The following DEPTOR variants were observed in gnomAD, a reference collection of about 807,000 sequenced individuals.
DEPTOR encodes DEP domain-containing mTOR-interacting protein.
Under a neutral mutation model 41.6 loss-of-function variants are expected in DEPTOR, and 41 were observed. That is an observed-to-expected ratio of 0.98 (90% CI 0.77 to 1.28). The LOEUF (loss-of-function observed/expected upper bound fraction) is 1.28, where lower values mean the gene tolerates loss of function less well. Among genes scored for constraint, DEPTOR ranks in the 50% most tolerant of loss-of-function variants. DEPTOR has a pLI of 0.00. For missense variants in DEPTOR, 514 were observed against 527.9 expected, an observed-to-expected ratio of 0.97 and a Z score of 0.26; for synonymous variants, 195 against 192.3, an observed-to-expected ratio of 1.01 and a Z score of -0.12.
intron 1 of DEPTOR, among the ~76,000 whole-genome samples, chr8:119,921,447 G>A (rs1430014850): frequency 6.6e-6 from 1 of 152,106 alleles, no homozygotes; most frequent in Non-Finnish European, 1.5e-5. Flanking sequence ...TTAGAAGTCT[G>A]TGTTTCTGAC....
intron 4 of DEPTOR, among the ~76,000 whole-genome samples, chr8:119,967,321 C>A (rs546857566): frequency 6.6e-6 from 1 of 150,958 alleles, no homozygotes; most frequent in Admixed American, 6.6e-5. Context: ...CTCAGGTGAT[C>A]CATCTGCCTC....
chr8:119,970,630 C>G (rs1217177744), intron 4 of DEPTOR, among the ~76,000 whole-genome samples: 1 of 152,108 alleles, frequency 6.6e-6, no homozygotes, highest in African/African-American at 2.4e-5. Flanking sequence ...ACATAATAGA[C>G]CTTTGAGAGT....
At chr8:119,907,013 G>A (rs901732007) in intron 1 of DEPTOR, among the ~76,000 whole-genome samples, 2 of 152,200 alleles carry the variant, frequency 1.3e-5, no homozygotes, top group Non-Finnish European at 2.9e-5. Flanking sequence ...GTATAAGCAG[G>A]CGAAGAGAAT....
intron 1 of DEPTOR, among the ~76,000 whole-genome samples, chr8:119,908,649 C>T (rs926611164): frequency 3.3e-5 from 5 of 152,132 alleles, no homozygotes; most frequent in East Asian, 1.9e-4. Flanking sequence ...TACAGGCATG[C>T]GTCATCCCGC....
rs558017038 is a variant in DEPTOR at position 120,014,579 on chromosome 8, G to A, written c.1101+5446G>A. ...GTCTCACTCTGTTGCCCAAGCTGGA[G>A]TGCAGTGGTACAATCTTGGCTCACT... is the stretch of plus-strand genomic sequence containing the variant. On this transcript the variant is annotated intron_variant, in intron 8 of 8. Coordinates refer to ENST00000286234, the MANE Select transcript of DEPTOR (RefSeq NM_022783.4). 3.9e-5 allele frequency among the ~76,000 whole-genome samples: 6 copies of A among 152,036 alleles called. No homozygotes were observed. In the South Asian group the frequency reaches 1.2e-3, roughly 32 times the overall value.
At chr8:120,037,336 T>C (rs919744123) in intron 8 of DEPTOR, among the ~76,000 whole-genome samples, 1 of 152,180 alleles carries the variant, frequency 6.6e-6, no homozygotes, top group Admixed American at 6.5e-5. Context: ...AACTAATAAA[T>C]TGTAAAGGTG....
At chr8:119,891,216 G>T (rs571899849) in intron 1 of DEPTOR, 24 of 125,706 alleles carry the variant, frequency 1.9e-4, no homozygotes, top group Non-Finnish European at 4.1e-4. Flanking sequence ...GTTCAGGGTG[G>T]TATGGCTGTA....
At chr8:120,010,997 G>A (rs1284046988) in intron 8 of DEPTOR, among the ~76,000 whole-genome samples, 1 of 152,168 alleles carries the variant, frequency 6.6e-6, no homozygotes, top group Non-Finnish European at 1.5e-5. Flanking sequence ...GATGCAGAAG[G>A]CTTAAAAGCT....
At chr8:119,969,081 C>A (rs1370696141) in intron 4 of DEPTOR, among the ~76,000 whole-genome samples, 1 of 150,002 alleles carries the variant, frequency 6.7e-6, no homozygotes, top group African/African-American at 2.4e-5. Context: ...GGCGACACAG[C>A]AAGACTCCAT....
intron 3 of DEPTOR, among the ~76,000 whole-genome samples, chr8:119,951,096 T>C (rs1008268179): frequency 4.9e-5 from 7 of 143,024 alleles, no homozygotes; most frequent in African/African-American, 1.3e-4. Context: ...CACACACACA[T>C]CAATTTTCCC....
intron 8 of DEPTOR, among the ~76,000 whole-genome samples, chr8:120,027,322 T>A (rs1210506850): frequency 6.6e-6 from 1 of 152,028 alleles, no homozygotes; most frequent in Non-Finnish European, 1.5e-5. Flanking sequence ...TTTTCCCAAC[T>A]TTCTGAAATA....
chr8:119,946,070 T>C (rs570168751), intron 3 of DEPTOR, among the ~76,000 whole-genome samples: 30 of 152,284 alleles, frequency 2.0e-4, no homozygotes, highest in Middle Eastern at 6.8e-3. Context: ...GTGTAGTTGC[T>C]GTATTGTTTT....
chr8:120,028,962 A>G (rs72675708), intron 8 of DEPTOR, among the ~76,000 whole-genome samples: 108 of 151,898 alleles, frequency 7.1e-4, no homozygotes, highest in South Asian at 1.3e-3. Flanking sequence ...GCATGTGCCT[A>G]CTTGGGAGGC....
At chr8:120,008,460 T>A (rs1586655913) in intron 7 of DEPTOR, among the ~76,000 whole-genome samples, 1 of 131,712 alleles carries the variant, frequency 7.6e-6, no homozygotes, top group Admixed American at 8.5e-5. Flanking sequence ...ACCCGGGAGG[T>A]GGGGTTGCAG....
At chr8:119,985,848 T>C (rs1828823033) in intron 4 of DEPTOR, among the ~76,000 whole-genome samples, 1 of 124,204 alleles carries the variant, frequency 8.1e-6, no homozygotes, top group African/African-American at 3.2e-5. Flanking sequence ...TTTTTTTTTT[T>C]TTTTTTTTTT....
intron 8 of DEPTOR, among the ~76,000 whole-genome samples, chr8:120,032,469 C>T (rs1442384450): frequency 6.6e-6 from 1 of 152,150 alleles, no homozygotes; most frequent in African/African-American, 2.4e-5. Flanking sequence ...GATCTGTCTG[C>T]CTCTGCCTCC....
At chr8:119,949,036 T>A (rs1828318841) in intron 3 of DEPTOR, among the ~76,000 whole-genome samples, 1 of 152,242 alleles carries the variant, frequency 6.6e-6, no homozygotes, top group African/African-American at 2.4e-5. Context: ...TCCACCCGCC[T>A]TGGCCTCCCA....
intron 1 of DEPTOR, among the ~76,000 whole-genome samples, chr8:119,895,226 A>G (rs1372797191): frequency 6.6e-6 from 1 of 152,196 alleles, no homozygotes; most frequent in Admixed American, 6.5e-5. Context: ...AGTGACTTAA[A>G]AGTATGGGTG....
intron 1 of DEPTOR, among the ~76,000 whole-genome samples, chr8:119,896,355 AG>A (rs1827519729): frequency 6.6e-6 from 1 of 152,160 alleles, no homozygotes; most frequent in African/African-American, 2.4e-5. Flanking sequence ...TTCCCTCCAA[AG>A]GCCATGCTCT....
Sources: gnomAD v4.1 joint callset for allele counts (sites outside exome capture counted in the v4.1 genomes callset) on GRCh38, gnomAD v4.1.1 for gene constraint, MANE v1.5 for transcripts, NCBI Gene and HGNC (gene_info 2026-07-23, HGNC 2026-07-21) for gene names.